The following FANCA variants were observed in gnomAD, a reference collection of about 807,000 sequenced individuals.
FANCA encodes FA complementation group A, also known as Fanconi anemia group A protein.
Under a neutral mutation model 194.3 loss-of-function variants are expected in FANCA, and 236 were observed. The observed-to-expected ratio is 1.21, with a 90% CI of 1.09 to 1.35. The LOEUF is 1.35. FANCA is among the 40% of genes most tolerant of loss of function. FANCA has a pLI of 0.00. For synonymous variants in FANCA, 1,014 were observed against 715.8 expected, an observed-to-expected ratio of 1.42 and a Z score of -6.65; for missense variants, 2,628 against 1,813.9, an observed-to-expected ratio of 1.45 and a Z score of -8.15.
At chr16:89,764,733 C>G in intron 28 of FANCA, 157 bp downstream of exon 28, 2 of 886,242 alleles carry the variant, frequency 2.3e-6, no homozygotes, top group Non-Finnish European at 3.8e-6. Context: ...AGACTCGAGA[C>G]GAGGAGACAG....
intron 37 of FANCA, 30 bp downstream of exon 37, chr16:89,742,770 A>G (rs1268101323): frequency 1.2e-6 from 2 of 1,613,480 alleles, no homozygotes; most frequent in East Asian, 2.2e-5. Flanking sequence ...TTGCGAGAAA[A>G]TAAATCAGTA....
At chr16:89,781,732 G>T (rs1165861385) in intron 17 of FANCA, among the ~76,000 whole-genome samples, 4 of 150,260 alleles carry the variant, frequency 2.7e-5, no homozygotes, top group Admixed American at 2.0e-4. Flanking sequence ...GGCCATGGTG[G>T]CTCACGCCTG....
chr16:89,809,044 T>C (rs1174108277), intron 5 of FANCA, among the ~76,000 whole-genome samples: 1 of 152,038 alleles, frequency 6.6e-6, no homozygotes, highest in African/African-American at 2.4e-5. Flanking sequence ...TAGCTGGGAC[T>C]ACAGGTGCCT....
In FANCA at chr16:89,749,718, A is replaced by G. The variant is rs773879568; in HGVS notation, c.3239+12T>C. The stretch of plus-strand genomic sequence containing the variant: ...GGTGGTGCTGCCCTGCCCAGGTGGT[A>G]GTAGGTGTTACCGTTTGTACATTAG... On this transcript the variant is annotated intron_variant, in intron 32 of 42. Coordinates refer to ENST00000389301, the MANE Select transcript of FANCA (RefSeq NM_000135.4). 2.5e-6 allele frequency: 4 copies of G among 1,612,134 alleles called. No individual in the cohort carries two copies. The highest frequency in any genetic ancestry group is 2.7e-5 in the African/African-American group (2 of 74,890).
chr16:89,768,554 G>T (rs2039208840), intron 26 of FANCA, among the ~76,000 whole-genome samples: 1 of 152,116 alleles, frequency 6.6e-6, no homozygotes, highest in Non-Finnish European at 1.5e-5. Flanking sequence ...TACTCAGGAA[G>T]CTGAGGCACA....
At chr16:89,799,012 C>T (rs759929927) in intron 10 of FANCA, 154 bp downstream of exon 10, 6 of 1,614,012 alleles carry the variant, frequency 3.7e-6, no homozygotes, top group Middle Eastern at 1.6e-4. Flanking sequence ...TTCCCATGGT[C>T]GCCTCCTCCT....
At position 89,775,799 on chromosome 16, in the gene FANCA, G is replaced by A. The variant is rs1567623107; in HGVS notation, c.1843C>T (p.Pro615Ser). The change falls in exon 21 of 43, where the codon CCA becomes TCA. Residue 615 changes from proline (P) to serine (S), a missense_variant. Transcript: ENST00000389301. ...ESLKRADKIP[P>S]SLYSTYCQAC... is the part of the protein sequence containing the mutation. ...TGGCAGTAGGTGGAGTACAGAGATG[G>A]GGGGATTTTATCTGCTCTGGATCAC... 6.2e-7 allele frequency: 1 copy of A among 1,612,084 alleles called. No individual in the cohort carries two copies.
intron 27 of FANCA, 75 bp from the exon 28 acceptor site, chr16:89,765,141 G>T: frequency 6.5e-7 from 1 of 1,539,804 alleles, no homozygotes; most frequent in East Asian, 2.3e-5. Flanking sequence ...ATGCTCAGGT[G>T]GAAACAGACC....
chr16:89,767,115 GA>G (rs1567616089), intron 27 of FANCA, 25 bp downstream of exon 27: 1 of 1,560,466 alleles, frequency 6.4e-7, no homozygotes, highest in African/African-American at 1.4e-5. Flanking sequence ...TGGCAGAATG[GA>G]AAAATAGGAA....
At chr16:89,763,132 A>G (rs2039010392) in intron 28 of FANCA, among the ~76,000 whole-genome samples, 2 of 152,054 alleles carry the variant, frequency 1.3e-5, no homozygotes, top group South Asian at 4.2e-4. Context: ...CTGTGGTCCC[A>G]GCTACTTGGG....
At chr16:89,741,878 G>C (rs1009477007) in intron 37 of FANCA, among the ~76,000 whole-genome samples, 1 of 152,182 alleles carries the variant, frequency 6.6e-6, no homozygotes, top group Non-Finnish European at 1.5e-5. Flanking sequence ...TTTACGCTGG[G>C]CTGTGATGAG....
chr16:89,789,135 A>G (rs2039986946), intron 14 of FANCA, among the ~76,000 whole-genome samples: 1 of 151,992 alleles, frequency 6.6e-6, no homozygotes, highest in Non-Finnish European at 1.5e-5. Context: ...CTCTTAGTTT[A>G]GTGGAAGCCC....
intron 26 of FANCA, among the ~76,000 whole-genome samples, chr16:89,768,863 C>T (rs1004332647): frequency 9.9e-5 from 15 of 152,160 alleles, no homozygotes; most frequent in Admixed American, 5.2e-4. Context: ...TGCCTCCCTC[C>T]TCACCAGCTC....
chr16:89,811,884 C>T (rs1362471520), intron 3 of FANCA, among the ~76,000 whole-genome samples: 1 of 152,092 alleles, frequency 6.6e-6, no homozygotes, highest in East Asian at 1.9e-4. Flanking sequence ...GCACGCGTCA[C>T]TACGCCCAGT....
rs575259921 is a variant in FANCA, at chr16:89,768,910, C to T, written c.2504+927G>A. On this transcript the variant is annotated intron_variant, in intron 26 of 42. Coordinates refer to ENST00000389301, the MANE Select transcript of FANCA (RefSeq NM_000135.4). ...ATTGGCTGTGTGCCTCTCATGCCAA[C>T]ACCCAGTACTCAGTGTTTGGGGCCT... Among the ~76,000 whole-genome samples, 3 of 126,702 alleles carry T rather than the reference C, an allele frequency of 2.4e-5. No individual in the cohort carries two copies. The East Asian group carries it at 1.1e-3, about 45-fold the overall frequency. 83.1% of individuals were successfully genotyped at this position (126,702 alleles called of 152,430 possible). A position where few individuals can be genotyped will look rare whatever the true frequency, so the allele number is the denominator to read the frequency against.
intron 36 of FANCA, chr16:89,744,662 G>A (rs2062203865): frequency 7.2e-6 from 3 of 416,768 alleles, no homozygotes; most frequent in South Asian, 4.3e-5. Flanking sequence ...ACTGGCAGAG[G>A]CTGTTTTTTT....
At position 89,765,086 on chromosome 16, in the gene FANCA, G is replaced by A. The variant is rs752731568; in HGVS notation, c.2602-20C>T. ...CTGAAACTGAAACAGAGAGTGACCCGGCCGTTTCTTCATTGCGCAAGTTTC... is the reference window on the plus strand; with the variant it reads ...CTGAAACTGAAACAGAGAGTGACCCAGCCGTTTCTTCATTGCGCAAGTTTC... On this transcript the variant is annotated intron_variant, in intron 27 of 42. Transcript: ENST00000389301. The A allele has an allele frequency of 7.4e-6, 12 of 1,613,432 alleles. No individual in the cohort carries two copies. Among genetic ancestry groups the A allele is most frequent in the South Asian group, 3.3e-5 (3 of 90,936 alleles).
intron 20 of FANCA, among the ~76,000 whole-genome samples, chr16:89,777,765 C>G (rs994325159): frequency 1.3e-5 from 2 of 152,096 alleles, no homozygotes; most frequent in African/African-American, 4.8e-5. Context: ...ACTTCCAGGT[C>G]TACTCTCAAG....
At position 89,813,405 on chromosome 16, in the gene FANCA, C is replaced by T. The variant is rs577187509; in HGVS notation, c.283+1115G>A. ...TCCAGGCAACAGAGTGAGACCCTGT[C>T]TGTTAAAAAAAAAAAAAAAAGTAGA... On this transcript the variant is annotated intron_variant, in intron 3 of 42. Coordinates refer to ENST00000389301, the MANE Select transcript of FANCA (RefSeq NM_000135.4). Among the ~76,000 whole-genome samples, 26 of 112,872 alleles carry T rather than the reference C, an allele frequency of 2.3e-4. No individual in the cohort carries two copies. In the South Asian group the frequency reaches 7.2e-3, roughly 31 times the overall value. 74.0% of individuals were successfully genotyped at this position (112,872 alleles called of 152,430 possible).
Sources: allele counts gnomAD v4.1 joint callset (sites outside exome capture counted in the v4.1 genomes callset), GRCh38; gene constraint gnomAD v4.1.1; transcripts MANE v1.5; gene names NCBI Gene and HGNC (gene_info 2026-07-23, HGNC 2026-07-21).